KRT3: variants seen among roughly 807,000 people sequenced by gnomAD.
KRT3 encodes keratin 3.
In KRT3, 34 loss-of-function variants were observed where a neutral mutation model predicts 45.8. That is an observed-to-expected ratio of 0.74 (90% CI 0.57 to 0.99). KRT3 has a LOEUF of 0.99. KRT3 is among the 50% of genes least tolerant of loss of function. The probability of loss-of-function intolerance (pLI) is 0.00; values close to 1 mark genes in which losing one functional copy is unlikely to be tolerated. For synonymous variants in KRT3, 367 were observed against 329.0 expected, an observed-to-expected ratio of 1.12 and a Z score of -1.25; for missense variants, 828 against 820.6, an observed-to-expected ratio of 1.01 and a Z score of -0.11.
intron 4 of KRT3, 125 bp downstream of exon 4, chr12:52,792,586 C>T: frequency 1.0e-6 from 1 of 966,598 alleles, no homozygotes; most frequent in South Asian, 1.3e-5. Context: ...GAATCCCTTC[C>T]AAGGGTCCTC....
At chr12:52,790,488 C>G in intron 8 of KRT3, 130 bp from the exon 9 acceptor site, 1 of 906,460 alleles carries the variant, frequency 1.1e-6, no homozygotes, top group Non-Finnish European at 1.6e-6. Context: ...ATGTTCACCA[C>G]GAGCCGTTCC....
At position 52,792,783 on chromosome 12, in the gene KRT3, G is replaced by A. The variant is rs780202478; in HGVS notation, c.951C>T (p.Asn317=). Residue 317 remains asparagine, a synonymous_variant, in exon 4 of 9, where the codon AAC becomes AAT. Coordinates refer to ENST00000417996, the MANE Select transcript of KRT3 (RefSeq NM_057088.3). ...CCACTTTGGCCTGAAGCTCCACCTT[G>A]TTCATATAGGCACTGTCCACATCCT... ...LKKDVDSAYM[N]KVELQAKVDA... is the part of the protein sequence containing the mutation. 2 of 1,612,666 alleles carry A rather than the reference G, an allele frequency of 1.2e-6. No homozygotes were observed. The highest frequency in any genetic ancestry group is 1.7e-5 in the Admixed American group (1 of 60,028).
intron 3 of KRT3, 47 bp from the exon 4 acceptor site, chr12:52,792,853 A>G (rs377202254): frequency 1.6e-6 from 2 of 1,237,770 alleles, no homozygotes; most frequent in African/African-American, 3.0e-5. Flanking sequence ...ATGAACAAAC[A>G]GCAAACCACA....
rs781360634 is a variant in KRT3 at position 52,795,859 on chromosome 12, C to T, written c.184G>A (p.Gly62Ser). 2.4e-5 allele frequency: 38 copies of T among 1,614,048 alleles called. No individual in the cohort carries two copies. The highest frequency in any genetic ancestry group is 1.3e-4 in the Admixed American group (8 of 59,998). Residue 62 changes from glycine to serine, a missense_variant, in exon 1 of 9, where the codon GGC (glycine) becomes AGC (serine). Gly to Ser is a moderately conservative substitution (Grantham distance 56). Transcript: ENST00000417996. The part of the protein sequence containing the change: ...FGSRSLYNLG[G>S]NKSISISVAA... ...ACGCTGATGGAGATGCTCTTGTTGC[C>T]GCCCAGGTTGTAGAGGCTGCGACTG...
chr12:52,793,492 T>C (rs1444249264), intron 2 of KRT3, among the ~76,000 whole-genome samples: 1 of 152,224 alleles, frequency 6.6e-6, no homozygotes, highest in African/African-American at 2.4e-5. Context: ...TTGATCACCA[T>C]ACCATGAGTT....
At position 52,789,971 on chromosome 12, in the gene KRT3, G is replaced by T; in HGVS notation, c.*71C>A. On this transcript the variant is annotated 3_prime_UTR_variant, in exon 9 of 9. Transcript: ENST00000417996. ...TGGGGAGCATGGGGTGGCGCTGGGG[G>T]TGTTGCCAATATGGGGGCGTGGGGA... The T allele has an allele frequency of 2.8e-6, 4 of 1,433,614 alleles. No individual in the cohort carries two copies. Among genetic ancestry groups the T allele is most frequent in the South Asian group, 1.2e-5 (1 of 82,112 alleles). The allele number at this position is 1,433,614 out of a possible 1,614,324, so 88.8% of individuals were successfully genotyped here.
chr12:52,795,733 C>T lies in KRT3; in HGVS notation c.310G>A (p.Gly104Ser). Reference sequence around the variant, plus strand: ...CCACCACCAAAGCCACCACCAAAGCCACCTCCATAGCCGCTCCCAAAGCCA... The same window carrying T: ...CCACCACCAAAGCCACCACCAAAGCTACCTCCATAGCCGCTCCCAAAGCCA... ...GGGFGSGYGG[G>S]FGGGFGGGRG... Residue 104 changes from glycine to serine, a missense_variant, in exon 1 of 9, where the codon GGC (glycine) becomes AGC (serine). Physicochemically the swap from Gly to Ser is moderately conservative, Grantham distance 56 (BLOSUM62 0). Coordinates refer to ENST00000417996, the MANE Select transcript of KRT3 (RefSeq NM_057088.3). 6.2e-7 allele frequency: 1 copy of T among 1,613,144 alleles called. No homozygotes were observed. Among genetic ancestry groups the T allele is most frequent in the Non-Finnish European group, 8.5e-7 (1 of 1,179,210 alleles).
Position 52,790,236 on chromosome 12 carries a change from C to A in KRT3, c.1693G>T (p.Gly565Cys). The change falls in exon 9 of 9, where the codon GGC becomes TGC. Residue 565 changes from glycine to cysteine, a missense_variant. Physicochemically the swap from Gly to Cys is radical, Grantham distance 159. Coordinates refer to ENST00000417996, the MANE Select transcript of KRT3 (RefSeq NM_057088.3). ...SAGGGSGSGF[G>C]RGGGGGIGGG... is the part of the protein sequence containing the mutation. The stretch of plus-strand genomic sequence containing the variant: ...CCGATTCCACCGCCGCCTCCCCGGC[C>A]AAAGCCACTGCCTGAGCCGCCGCCC... 6.5e-7 allele frequency: 1 copy of A among 1,549,960 alleles called. No individual in the cohort carries two copies. Among genetic ancestry groups the A allele is most frequent in the Non-Finnish European group, 8.7e-7 (1 of 1,146,590 alleles).
chr12:52,791,878 C>T (rs1939517949), intron 5 of KRT3, 62 bp from the exon 6 acceptor site: 1 of 1,547,308 alleles, frequency 6.5e-7, no homozygotes, highest in Non-Finnish European at 8.8e-7. Flanking sequence ...TTCTACACCT[C>T]CAACATCACC....
At chr12:52,794,422 T>G in intron 1 of KRT3, 91 bp from the exon 2 acceptor site, 2 of 868,966 alleles carry the variant, frequency 2.3e-6, no homozygotes, top group Non-Finnish European at 3.7e-6. Context: ...GTCTATCTCC[T>G]GGGCCCCCAG....
Position 52,795,872 on chromosome 12 carries a change from G to C in KRT3, c.171C>G (p.Leu57=). 6.2e-7 allele frequency: 1 copy of C among 1,614,194 alleles called. No homozygotes were observed. Among genetic ancestry groups the C allele is most frequent in the Non-Finnish European group, 8.5e-7 (1 of 1,180,020 alleles). The change falls in exon 1 of 9, where the codon CTC becomes CTG. Residue 57 remains leucine (L), a synonymous_variant. Coordinates refer to ENST00000417996, the MANE Select transcript of KRT3 (RefSeq NM_057088.3). ...SGAGGFGSRS[L]YNLGGNKSIS... ...TGCTCTTGTTGCCGCCCAGGTTGTA[G>C]AGGCTGCGACTGCCAAAGCCACCTG...
chr12:52,794,439 G>C, intron 1 of KRT3, 108 bp from the exon 2 acceptor site: 1 of 758,162 alleles, frequency 1.3e-6, no homozygotes, highest in African/African-American at 1.7e-5. Flanking sequence ...CCAGCACAAA[G>C]GCCTAGAAAA....
At position 52,791,750 on chromosome 12, in the gene KRT3, T is replaced by C. The variant is rs775740479; in HGVS notation, c.1255A>G (p.Ile419Val). 1 of 1,614,098 alleles carries C rather than the reference T, an allele frequency of 6.2e-7. No individual in the cohort carries two copies. The highest frequency in any genetic ancestry group is 8.5e-7 in the Non-Finnish European group (1 of 1,179,970). The change falls in exon 6 of 9, where the codon ATA becomes GTA. Residue 419 changes from isoleucine (I) to valine (V), a missense_variant. Physicochemically the swap from Ile to Val is conservative, Grantham distance 29 (BLOSUM62 3). Coordinates refer to ENST00000417996, the MANE Select transcript of KRT3 (RefSeq NM_057088.3). ...DDLRNTKSEIIELNRMIQRLR... is the reference protein window; with the variant it reads ...DDLRNTKSEIVELNRMIQRLR... Reference sequence around the variant, plus strand: ...CTCTGGATCATTCTGTTGAGCTCTATGATCTCGCTCTTGGTATTTCTTAGG... The same window carrying C: ...CTCTGGATCATTCTGTTGAGCTCTACGATCTCGCTCTTGGTATTTCTTAGG...
chr12:52,792,811 G>A lies in KRT3; in HGVS notation c.928-5C>T. 6.3e-7 allele frequency: 1 copy of A among 1,593,006 alleles called. No homozygotes were observed. Among genetic ancestry groups the A allele is most frequent in the African/African-American group, 1.3e-5 (1 of 74,526 alleles). On this transcript the variant is annotated splice_region_variant and splice_polypyrimidine_tract_variant and intron_variant, in intron 3 of 8. Transcript: ENST00000417996. ...CATATAGGCACTGTCCACATCCTGAGAAAAGAGGAAGATAAAGGCCTTATT... is the reference window on the plus strand; with the variant it reads ...CATATAGGCACTGTCCACATCCTGAAAAAAGAGGAAGATAAAGGCCTTATT...
intron 7 of KRT3, 141 bp downstream of exon 7, chr12:52,791,065 G>T: frequency 3.6e-6 from 5 of 1,390,522 alleles, no homozygotes; most frequent in Non-Finnish European, 5.0e-6. Flanking sequence ...CTGGGAGGGA[G>T]TGGGCTGGTA....
In KRT3 at chr12:52,796,116, A is replaced by G; in HGVS notation, c.-74T>C. 6.6e-7 allele frequency: 1 copy of G among 1,503,930 alleles called. No individual in the cohort carries two copies. Among genetic ancestry groups the G allele is most frequent in the Non-Finnish European group, 9.1e-7 (1 of 1,095,138 alleles). 93.2% of individuals were successfully genotyped at this position (1,503,930 alleles called of 1,614,324 possible). A position where few individuals can be genotyped will look rare whatever the true frequency, so the allele number is the denominator to read the frequency against. On this transcript the variant is annotated 5_prime_UTR_variant, in exon 1 of 9. Transcript: ENST00000417996. ...AGAGTCAGAGGAAGAGGGATGGGAA[A>G]TGAAGACCTGTGCAAAATAAATCCC...
At chr12:52,793,278 C>G in intron 2 of KRT3, 55 bp from the exon 3 acceptor site, 2 of 1,243,802 alleles carry the variant, frequency 1.6e-6, no homozygotes, top group Non-Finnish European at 2.3e-6. Context: ...TCGTAAACAC[C>G]ATTGTTCCCT....
At chr12:52,793,969 C>A (rs1259140263) in intron 2 of KRT3, 142 bp downstream of exon 2, 1 of 656,040 alleles carries the variant, frequency 1.5e-6, no homozygotes, top group African/African-American at 1.8e-5. Context: ...ACTGAATGAA[C>A]CAAGCTGTCC....
chr12:52,792,108 G>T, intron 5 of KRT3, 131 bp downstream of exon 5: 1 of 805,822 alleles, frequency 1.2e-6, no homozygotes, highest in Non-Finnish European at 2.0e-6. Flanking sequence ...ACCATTAGAA[G>T]GATGACTTCA....
Sources: allele counts gnomAD v4.1 joint callset (sites outside exome capture counted in the v4.1 genomes callset), GRCh38; gene constraint gnomAD v4.1.1; transcripts MANE v1.5; gene names NCBI Gene and HGNC (gene_info 2026-07-23, HGNC 2026-07-21).